ZFHX3: variants seen among roughly 807,000 people sequenced by gnomAD.
ZFHX3 encodes the protein zinc finger homeobox protein 3.
A neutral mutation model predicts 279.1 loss-of-function variants in ZFHX3; 42 were observed. That is an observed-to-expected ratio of 0.15 (90% confidence interval 0.12 to 0.19). The LOEUF (loss-of-function observed/expected upper bound fraction) is 0.19. ZFHX3 is among the 10% of genes least tolerant of loss of function. The probability of loss-of-function intolerance (pLI) is 1.00; values close to 1 mark genes in which losing one functional copy is unlikely to be tolerated. For synonymous variants in ZFHX3, 2,293 were observed against 1,957.8 expected, an observed-to-expected ratio of 1.17 and a Z score of -4.52; for missense variants, 4,981 against 4,754.0, an observed-to-expected ratio of 1.05 and a Z score of -1.40.
At chr16:73,639,823 A>G (rs970978281) in intron 2 of ZFHX3, among the ~76,000 whole-genome samples, 2 of 152,202 alleles carry the variant, frequency 1.3e-5, no homozygotes, top group Non-Finnish European at 2.9e-5. Flanking sequence ...GAACAAAGAC[A>G]ACAATGGATT....
At chr16:73,571,787 A>G (rs2143807397) in intron 2 of ZFHX3, among the ~76,000 whole-genome samples, 1 of 152,314 alleles carries the variant, frequency 6.6e-6, no homozygotes, top group South Asian at 2.1e-4. Context: ...GTGTTGCACA[A>G]ACTTCTTTTT....
rs80125071 is a variant in ZFHX3 at position 72,972,956 on chromosome 16, C to T, written c.-49-12762G>A. Among the ~76,000 whole-genome samples the T allele has an allele frequency of 8.2e-3, 1,249 of 152,298 alleles. 14 individuals are homozygous for T. Among genetic ancestry groups the T allele is most frequent in the African/African-American group, 0.029 (1,188 of 41,562 alleles). ...CCCTGTTCTCCTGTAGGTATTTAAG[C>T]GTCATTGTACTCTTCCCCCTTGGCT... On this transcript the variant is annotated intron_variant, in intron 1 of 9. Coordinates refer to ENST00000268489, the MANE Select transcript of ZFHX3 (RefSeq NM_006885.4).
At chr16:73,301,654 A>T (rs1052851975) in intron 4 of ZFHX3, among the ~76,000 whole-genome samples, 1 of 152,174 alleles carries the variant, frequency 6.6e-6, no homozygotes, top group Non-Finnish European at 1.5e-5. Context: ...CAAGGTCCCG[A>T]TACCAAGAAA....
At chr16:72,842,047 A>G (rs961491333) in intron 4 of ZFHX3, among the ~76,000 whole-genome samples, 1 of 152,210 alleles carries the variant, frequency 6.6e-6, no homozygotes, top group Admixed American at 6.5e-5. Context: ...TAAGGGATCT[A>G]TAGAAATTTG....
At chr16:73,058,921 C>T (rs950596169) in exon 1 of ZFHX3, 5 of 163,516 alleles carry the variant, frequency 3.1e-5, no homozygotes, top group East Asian at 1.9e-4. Context: ...GCAAAGCAGG[C>T]GGCGGCGGCG....
intron 1 of ZFHX3, among the ~76,000 whole-genome samples, chr16:73,848,980 G>T (rs781251789): frequency 6.6e-6 from 1 of 152,062 alleles, no homozygotes; most frequent in Admixed American, 6.5e-5. Flanking sequence ...CATTTTCTTC[G>T]ACTGTTCAGT....
intron 1 of ZFHX3, among the ~76,000 whole-genome samples, chr16:73,819,781 G>C (rs1290754196): frequency 6.6e-6 from 1 of 152,158 alleles, no homozygotes; most frequent in Non-Finnish European, 1.5e-5. Context: ...AGCACATTCA[G>C]AATGTCACCT....
chr16:73,772,662 A>T (rs1055939683), intron 1 of ZFHX3, among the ~76,000 whole-genome samples: 4 of 152,138 alleles, frequency 2.6e-5, no homozygotes, highest in African/African-American at 9.7e-5. Context: ...CTGAGTAAGG[A>T]ACTGTGTATT....
At chr16:73,870,460 A>G (rs992600189) in intron 1 of ZFHX3, among the ~76,000 whole-genome samples, 2 of 152,214 alleles carry the variant, frequency 1.3e-5, no homozygotes, top group Admixed American at 1.3e-4. Context: ...GAAGGAGGAA[A>G]AAGCCAAAGC....
intron 3 of ZFHX3, among the ~76,000 whole-genome samples, chr16:72,893,218 C>T (rs1173451746): frequency 6.6e-6 from 1 of 152,200 alleles, no homozygotes; most frequent in Non-Finnish European, 1.5e-5. Flanking sequence ...TACGTTCCAT[C>T]AAGAGATTTT....
chr16:73,278,813 C>T (rs545783753), intron 4 of ZFHX3, among the ~76,000 whole-genome samples: 6 of 152,102 alleles, frequency 3.9e-5, no homozygotes, highest in East Asian at 1.9e-4. Context: ...TGCTACAGAG[C>T]GCTGATTGGT....
intron 1 of ZFHX3, among the ~76,000 whole-genome samples, chr16:73,781,046 G>A (rs78711665): frequency 6.6e-6 from 1 of 152,164 alleles, no homozygotes. Flanking sequence ...CAGTGATTAT[G>A]ATGAACAAAA....
chr16:73,157,533 T>C (rs1330527168), intron 5 of ZFHX3, among the ~76,000 whole-genome samples: 1 of 147,968 alleles, frequency 6.8e-6, no homozygotes, highest in Non-Finnish European at 1.5e-5. Flanking sequence ...AATTATGCCA[T>C]TTTTCAGCTC....
chr16:73,753,786 T>C (rs1029098218), intron 1 of ZFHX3, among the ~76,000 whole-genome samples: 42 of 145,810 alleles, frequency 2.9e-4, no homozygotes, highest in Admixed American at 1.9e-3. Context: ...CAATAAGGTG[T>C]TTTTTTTTTA....
chr16:73,337,818 CT>C (rs1277275475), intron 3 of ZFHX3, among the ~76,000 whole-genome samples: 2 of 141,598 alleles, frequency 1.4e-5, no homozygotes, highest in African/African-American at 5.2e-5. Flanking sequence ...GCATCCCTCT[CT>C]TTTTAAACTT....
intron 5 of ZFHX3, among the ~76,000 whole-genome samples, chr16:73,181,095 GTTTTGT>G (rs1567411736): frequency 1.1e-4 from 13 of 117,332 alleles, no homozygotes; most frequent in Admixed American, 3.5e-4. Context: ...GTTTTGTTTT[GTTTTGT>G]TTTGTTTTGT....
chr16:73,192,779 A>G (rs1968071315), intron 5 of ZFHX3, among the ~76,000 whole-genome samples: 1 of 152,216 alleles, frequency 6.6e-6, no homozygotes, highest in African/African-American at 2.4e-5. Context: ...TCCTCAGAGA[A>G]GGTGGAAGGC....
At chr16:73,364,052 C>T (rs1424659605) in intron 3 of ZFHX3, among the ~76,000 whole-genome samples, 1 of 151,958 alleles carries the variant, frequency 6.6e-6, no homozygotes, top group Admixed American at 6.6e-5. Flanking sequence ...GCATGCCTGT[C>T]ATCCCAGCTA....
At chr16:73,755,264 ACT>A (rs1187364919) in intron 1 of ZFHX3, among the ~76,000 whole-genome samples, 1 of 152,006 alleles carries the variant, frequency 6.6e-6, no homozygotes, top group East Asian at 1.9e-4. Context: ...CGTTTCTAAG[ACT>A]CTCACCTGTT....
Sources: gnomAD v4.1 joint callset for allele counts (sites outside exome capture counted in the v4.1 genomes callset) on GRCh38, gnomAD v4.1.1 for gene constraint, MANE v1.5 for transcripts, NCBI Gene and HGNC (gene_info 2026-07-23, HGNC 2026-07-21) for gene names.